Variants in HSDL2 observed in about 807,000 individuals in gnomAD.
HSDL2 encodes the protein hydroxysteroid dehydrogenase-like protein 2.
Under a neutral mutation model 46.3 loss-of-function variants are expected in HSDL2, and 27 were observed. That is an observed-to-expected ratio of 0.58 (90% CI 0.43 to 0.80). The LOEUF (loss-of-function observed/expected upper bound fraction) is 0.80. HSDL2 is among the 30% of genes least tolerant of loss of function. HSDL2 has a pLI of 0.00. For synonymous variants in HSDL2, 153 were observed against 163.6 expected, an observed-to-expected ratio of 0.94 and a Z score of 0.50; for missense variants, 451 against 502.7, an observed-to-expected ratio of 0.90 and a Z score of 0.98.
At chr9:112,431,916 C>T (rs192930606) in intron 6 of HSDL2, among the ~76,000 whole-genome samples, 1 of 150,920 alleles carries the variant, frequency 6.6e-6, no homozygotes, top group East Asian at 1.9e-4. Flanking sequence ...GCTCTGTTGC[C>T]CAGGCTGGAC....
chr9:112,417,838 G>A (rs569787451), intron 5 of HSDL2, among the ~76,000 whole-genome samples: 2 of 150,774 alleles, frequency 1.3e-5, no homozygotes, highest in South Asian at 4.2e-4. Context: ...AGCACTTTGG[G>A]AAGCCGAGAC....
At chr9:112,380,899 A>G (rs887648963) in intron 1 of HSDL2, among the ~76,000 whole-genome samples, 1 of 152,212 alleles carries the variant, frequency 6.6e-6, no homozygotes, top group Non-Finnish European at 1.5e-5. Flanking sequence ...AGGTCTGGGT[A>G]TCTTGAGTTG....
At chr9:112,429,123 T>C (rs1344383486) in intron 6 of HSDL2, among the ~76,000 whole-genome samples, 3 of 152,206 alleles carry the variant, frequency 2.0e-5, no homozygotes, top group Non-Finnish European at 4.4e-5. Context: ...AATCTTGAAC[T>C]CCTGACCTTA....
intron 10 of HSDL2, among the ~76,000 whole-genome samples, chr9:112,460,730 A>C (rs546760324): frequency 5.9e-5 from 2 of 33,616 alleles, no homozygotes; most frequent in East Asian, 1.1e-3. Context: ...TGGGCGGCAG[A>C]ATGAAACCGT....
chr9:112,418,434 T>C (rs558187533), intron 5 of HSDL2, among the ~76,000 whole-genome samples: 2 of 151,336 alleles, frequency 1.3e-5, no homozygotes, highest in Admixed American at 1.3e-4. Flanking sequence ...AATTGAAAAA[T>C]TAGCCAGGCT....
chr9:112,405,953 G>C (rs1038407587), intron 3 of HSDL2, among the ~76,000 whole-genome samples: 1 of 152,094 alleles, frequency 6.6e-6, no homozygotes, highest in Non-Finnish European at 1.5e-5. Flanking sequence ...TTGAGGTCAG[G>C]AGTTTAAGAC....
Position 112,471,802 on chromosome 9 carries a change from T to C in HSDL2, c.*1258T>C, listed in dbSNP as rs1467577239. The C allele has an allele frequency of 6.6e-6, 1 of 152,252 alleles. No homozygotes were observed. The highest frequency in any genetic ancestry group is 1.5e-5 in the Non-Finnish European group (1 of 68,044). 9.4% of individuals were successfully genotyped at this position (152,252 alleles called of 1,614,324 possible). On this transcript the variant is annotated 3_prime_UTR_variant, in exon 11 of 11. Transcript: ENST00000398805. ...CTTTTAAAAAGCTCTTATCTTTCAT[T>C]TCAATCAGTTAAAAATACTTGCTCA...
At chr9:112,390,670 C>G (rs1427837545) in intron 1 of HSDL2, among the ~76,000 whole-genome samples, 1 of 152,042 alleles carries the variant, frequency 6.6e-6, no homozygotes, top group Non-Finnish European at 1.5e-5. Context: ...CCAGGCTAGT[C>G]TTGAACTCCT....
chr9:112,439,679 A>G (rs990237734), intron 7 of HSDL2, among the ~76,000 whole-genome samples: 2 of 152,258 alleles, frequency 1.3e-5, no homozygotes, highest in Non-Finnish European at 1.5e-5. Context: ...TGCAGTTCAA[A>G]CTAAAGTAAA....
chr9:112,427,612 A>G, intron 6 of HSDL2, among the ~76,000 whole-genome samples: 1 of 152,168 alleles, frequency 6.6e-6, no homozygotes, highest in East Asian at 1.9e-4. Flanking sequence ...GATAAGTCTC[A>G]AGTGTTTTTA....
At chr9:112,410,835 G>T (rs931595729) in intron 4 of HSDL2, among the ~76,000 whole-genome samples, 1 of 152,140 alleles carries the variant, frequency 6.6e-6, no homozygotes, top group Non-Finnish European at 1.5e-5. Flanking sequence ...AAGCTGAAGT[G>T]GGGGGATTGT....
chr9:112,391,878 C>G (rs1831351465), intron 1 of HSDL2, among the ~76,000 whole-genome samples: 1 of 137,120 alleles, frequency 7.3e-6, no homozygotes, highest in Admixed American at 7.7e-5. Flanking sequence ...AAGAGCAAAA[C>G]TCTGTCTCAA....
At chr9:112,459,677 T>C in intron 10 of HSDL2, 100 bp downstream of exon 10, 1 of 1,016,938 alleles carries the variant, frequency 9.8e-7, no homozygotes, top group Non-Finnish European at 1.5e-6. Context: ...TTGTAAATGT[T>C]GGCAGCAGTG....
intron 10 of HSDL2, among the ~76,000 whole-genome samples, chr9:112,462,811 A>G (rs973930887): frequency 1.3e-5 from 2 of 152,196 alleles, no homozygotes; most frequent in Non-Finnish European, 2.9e-5. Flanking sequence ...CATCACACTA[A>G]AAAATTCTCT....
At chr9:112,385,741 C>G (rs976603759) in intron 1 of HSDL2, among the ~76,000 whole-genome samples, 1 of 152,006 alleles carries the variant, frequency 6.6e-6, no homozygotes, top group African/African-American at 2.4e-5. Flanking sequence ...GATCCGCCCA[C>G]CTCAGCCTCC....
intron 1 of HSDL2, among the ~76,000 whole-genome samples, chr9:112,380,673 C>T (rs1831065669): frequency 6.6e-6 from 1 of 151,802 alleles, no homozygotes; most frequent in East Asian, 1.9e-4. Context: ...ATTTTTTTTT[C>T]ACCTTAAAAA....
Position 112,470,587 on chromosome 9 carries a change from A to T in HSDL2, c.*43A>T. 1 of 1,065,510 alleles carries T rather than the reference A, an allele frequency of 9.4e-7. No individual in the cohort carries two copies. The highest frequency in any genetic ancestry group is 1.4e-6 in the Non-Finnish European group (1 of 715,718). The allele number at this position is 1,065,510 out of a possible 1,614,324, so 66.0% of individuals were successfully genotyped here. A position where few individuals can be genotyped will look rare whatever the true frequency, so the allele number is the denominator to read the frequency against. ...AAGTCGACTGCTATGCTCAAAAAGT[A>T]AAAAAAGCTCAACAGTTAAAATCTA... On this transcript the variant is annotated 3_prime_UTR_variant, in exon 11 of 11. Transcript: ENST00000398805.
intron 6 of HSDL2, among the ~76,000 whole-genome samples, chr9:112,430,409 G>A (rs1330818212): frequency 6.6e-6 from 1 of 152,190 alleles, no homozygotes; most frequent in Non-Finnish European, 1.5e-5. Context: ...TAAGGAAATG[G>A]GGGTCAGATG....
At chr9:112,445,110 C>T (rs1019409778) in intron 8 of HSDL2, among the ~76,000 whole-genome samples, 2 of 151,884 alleles carry the variant, frequency 1.3e-5, no homozygotes, top group Non-Finnish European at 2.9e-5. Flanking sequence ...AACTCCTGGC[C>T]TCAAACAATC....
Sources: allele counts gnomAD v4.1 joint callset (sites outside exome capture counted in the v4.1 genomes callset), GRCh38; gene constraint gnomAD v4.1.1; transcripts MANE v1.5; gene names NCBI Gene and HGNC (gene_info 2026-07-23, HGNC 2026-07-21).